The following SUSD4 variants were observed in gnomAD, a reference collection of about 807,000 sequenced individuals.
SUSD4 encodes the protein sushi domain containing 4, also known as sushi domain-containing protein 4.
SUSD4 carries 41 observed loss-of-function variants against 50.5 expected under a neutral mutation model. The ratio of observed to expected loss-of-function variants is 0.81; its 90% confidence interval spans 0.63 to 1.05. The LOEUF (loss-of-function observed/expected upper bound fraction) is 1.05, where lower values mean the gene tolerates loss of function less well. Ranked by LOEUF, SUSD4 falls within the 50% of genes least tolerant of loss-of-function variation. SUSD4 has a pLI of 0.00. For missense variants in SUSD4, 580 were observed against 634.7 expected, an observed-to-expected ratio of 0.91 and a Z score of 0.93; for synonymous variants, 257 against 257.3, an observed-to-expected ratio of 1.00 and a Z score of 0.01.
At chr1:223,264,439 G>T in intron 5 of SUSD4, 191 bp downstream of exon 5, 1 of 1,334,730 alleles carries the variant, frequency 7.5e-7, no homozygotes, top group Non-Finnish European at 9.6e-7. Flanking sequence ...AAGGATGAGG[G>T]AAGCAAGTTT....
chr1:223,247,102 G>C (rs1045725146), intron 5 of SUSD4, among the ~76,000 whole-genome samples: 1 of 152,078 alleles, frequency 6.6e-6, no homozygotes, highest in Non-Finnish European at 1.5e-5. Flanking sequence ...ACAGCCCCCC[G>C]GGTGTTCTTC....
intron 2 of SUSD4, among the ~76,000 whole-genome samples, chr1:223,340,875 C>T (rs966683021): frequency 6.6e-6 from 1 of 152,220 alleles, no homozygotes; most frequent in Admixed American, 6.5e-5. Context: ...TTAGCTGAAA[C>T]TGACCTCTAG....
At chr1:223,281,422 C>T (rs1352653076) in intron 3 of SUSD4, among the ~76,000 whole-genome samples, 3 of 152,160 alleles carry the variant, frequency 2.0e-5, no homozygotes, top group Non-Finnish European at 2.9e-5. Context: ...ACCAATCCCA[C>T]AGAAATACAA....
intron 2 of SUSD4, among the ~76,000 whole-genome samples, chr1:223,343,218 T>C (rs1340856838): frequency 6.6e-6 from 1 of 152,158 alleles, no homozygotes; most frequent in Non-Finnish European, 1.5e-5. Flanking sequence ...GGTTCAAATC[T>C]ATCACCTCTC....
intron 2 of SUSD4, among the ~76,000 whole-genome samples, chr1:223,323,924 A>G (rs183625037): frequency 6.7e-6 from 1 of 148,190 alleles, no homozygotes; most frequent in Non-Finnish European, 1.5e-5. Flanking sequence ...CAATTATTTT[A>G]AAAAAAAAGA....
intron 3 of SUSD4, among the ~76,000 whole-genome samples, chr1:223,283,508 A>G (rs146001298): frequency 0.016 from 2,479 of 152,358 alleles, 24 homozygotes; most frequent in Non-Finnish European, 0.024. Context: ...CATCAGAGAA[A>G]TGCAAATCAA....
intron 7 of SUSD4, among the ~76,000 whole-genome samples, chr1:223,224,633 C>T (rs940038250): frequency 6.6e-6 from 1 of 152,172 alleles, no homozygotes; most frequent in Non-Finnish European, 1.5e-5. Flanking sequence ...GCTCCAGGAG[C>T]GGCGGCAAAG....
At chr1:223,287,978 A>G (rs77091261) in intron 3 of SUSD4, among the ~76,000 whole-genome samples, 3,936 of 152,298 alleles carry the variant, frequency 0.026, 96 homozygotes, top group South Asian at 0.05. Flanking sequence ...CTTTCTGCAC[A>G]AGGAACATGT....
chr1:223,337,823 G>C (rs1031398488), intron 2 of SUSD4, among the ~76,000 whole-genome samples: 4 of 152,196 alleles, frequency 2.6e-5, no homozygotes, highest in African/African-American at 9.7e-5. Context: ...GGGAGGCTTA[G>C]AGGGAGAAAA....
intron 2 of SUSD4, among the ~76,000 whole-genome samples, chr1:223,318,997 C>T (rs1666408714): frequency 1.8e-5 from 1 of 55,920 alleles, no homozygotes; most frequent in East Asian, 4.3e-4. Flanking sequence ...AGAAATAATG[C>T]CGCATATCTA....
chr1:223,264,602 C>A (rs758355165), intron 5 of SUSD4, 28 bp downstream of exon 5: 3 of 1,610,968 alleles, frequency 1.9e-6, no homozygotes. Flanking sequence ...ATACAAAATA[C>A]AACTTCCGAA....
At chr1:223,296,672 T>G (rs1226175267) in intron 2 of SUSD4, among the ~76,000 whole-genome samples, 1 of 152,088 alleles carries the variant, frequency 6.6e-6, no homozygotes, top group African/African-American at 2.4e-5. Context: ...GTTCTCATAA[T>G]CCCCATGTCA....
At chr1:223,296,867 G>A (rs1356482) in intron 2 of SUSD4, among the ~76,000 whole-genome samples, 68,743 of 151,986 alleles carry the variant, frequency 0.45, 16,400 homozygotes, top group African/African-American at 0.61. Context: ...CCATGATTGT[G>A]AGTTTCTTGA....
chr1:223,235,676 T>A (rs1660174529), intron 5 of SUSD4, among the ~76,000 whole-genome samples: 1 of 152,230 alleles, frequency 6.6e-6, no homozygotes, highest in South Asian at 2.1e-4. Flanking sequence ...TTTCTTCATA[T>A]CTTTTCATGG....
intron 2 of SUSD4, among the ~76,000 whole-genome samples, chr1:223,327,154 T>C (rs754490028): frequency 5.9e-5 from 9 of 152,142 alleles, no homozygotes; most frequent in Non-Finnish European, 1.3e-4. Context: ...CTCTGCCATG[T>C]AAAGGAACAA....
chr1:223,356,542 C>T (rs1245023029), intron 2 of SUSD4, among the ~76,000 whole-genome samples: 1 of 152,034 alleles, frequency 6.6e-6, no homozygotes, highest in East Asian at 1.9e-4. Context: ...TCCCAAAGTG[C>T]TGGGATTACC....
In SUSD4 at chr1:223,231,513, A is replaced by G. The variant is rs2103004071; in HGVS notation, c.725-2125T>C. ...CTCTCCTGGGCTGGCAAATGCAGTC[A>G]CACAACCCCTTGCATTTCCACAAAC... On this transcript the variant is annotated intron_variant, in intron 5 of 8. Coordinates refer to ENST00000366878, the MANE Select transcript of SUSD4 (RefSeq NM_017982.4). This position sits in a 1 kb window ranked among gnomAD's most constrained non-coding sequence, Gnocchi z 4.2. 6.6e-6 allele frequency among the ~76,000 whole-genome samples: 1 copy of G among 152,296 alleles called. No homozygotes were observed. Among genetic ancestry groups the G allele is most frequent in the East Asian group, 1.9e-4 (1 of 5,174 alleles).
chr1:223,225,148 AC>A (rs1261304484), intron 7 of SUSD4, among the ~76,000 whole-genome samples: 1 of 151,656 alleles, frequency 6.6e-6, no homozygotes, highest in African/African-American at 2.4e-5. Context: ...GGGATTACAG[AC>A]GTGAGCCACT....
At chr1:223,303,452 A>T (rs965347892) in intron 2 of SUSD4, among the ~76,000 whole-genome samples, 5 of 152,234 alleles carry the variant, frequency 3.3e-5, no homozygotes, top group African/African-American at 1.2e-4. Flanking sequence ...GTGAGCTTAC[A>T]TCTAGGACAT....
Sources: gnomAD v4.1 joint callset for allele counts (sites outside exome capture counted in the v4.1 genomes callset) on GRCh38, gnomAD v4.1.1 for gene constraint, Gnocchi (gnomAD v3.1) non-coding constraint, MANE v1.5 for transcripts, NCBI Gene and HGNC (gene_info 2026-07-23, HGNC 2026-07-21) for gene names.